The following REEP1 variants were observed in gnomAD, a reference collection of about 807,000 sequenced individuals.
REEP1 encodes the protein receptor accessory protein 1.
In REEP1, 22 loss-of-function variants were observed where a neutral mutation model predicts 40.3. The ratio of observed to expected loss-of-function variants is 0.55; its 90% CI spans 0.39 to 0.78. REEP1 has a LOEUF of 0.78. Ranked by LOEUF, REEP1 falls within the 30% of genes least tolerant of loss-of-function variation. The pLI, the probability that REEP1 is intolerant of heterozygous loss-of-function variation, is 0.00. For synonymous variants in REEP1, 116 were observed against 139.2 expected, an observed-to-expected ratio of 0.83 and a Z score of 1.17; for missense variants, 280 against 361.1, an observed-to-expected ratio of 0.78 and a Z score of 1.82.
chr2:86,338,069 T>C, upstream of REEP1: 1 of 1,537,212 alleles, frequency 6.5e-7, no homozygotes, highest in Non-Finnish European at 8.7e-7. Flanking sequence ...GCTCAGCACT[T>C]TCTGCATAAG....
chr2:86,257,661 G>T, intron 3 of REEP1, among the ~76,000 whole-genome samples: 1 of 142,966 alleles, frequency 7.0e-6, no homozygotes, highest in Admixed American at 7.1e-5. Flanking sequence ...TTTTGAGACA[G>T]AGTTTCACTC....
At chr2:86,232,032 G>A (rs1409261843) in intron 6 of REEP1, among the ~76,000 whole-genome samples, 2 of 152,200 alleles carry the variant, frequency 1.3e-5, no homozygotes, top group African/African-American at 4.8e-5. Context: ...AGGCAGAGGT[G>A]TGGTTACTGT....
intron 1 of REEP1, among the ~76,000 whole-genome samples, chr2:86,302,524 T>C (rs1205941006): frequency 6.6e-6 from 1 of 152,194 alleles, no homozygotes; most frequent in African/African-American, 2.4e-5. Context: ...TCTGGGAATC[T>C]ATCCAAAAGA....
At position 86,282,162 on chromosome 2, in the gene REEP1, C is replaced by T. The variant is rs762942674; in HGVS notation, c.105+8G>A. The stretch of plus-strand genomic sequence containing the variant: ...CCAACCCGCTCGAAAATACACAGTG[C>T]TACTTACATATTCCTTAATGTCCTT... On this transcript the variant is annotated splice_region_variant and intron_variant, in intron 2 of 8. Coordinates refer to ENST00000538924, the MANE Select transcript of REEP1 (RefSeq NM_001371279.1). The T allele has an allele frequency of 3.1e-6, 5 of 1,594,546 alleles. No individual in the cohort carries two copies. The highest frequency in any genetic ancestry group is 4.3e-6 in the Non-Finnish European group (5 of 1,162,340).
At chr2:86,261,110 G>A (rs1676829739) in intron 3 of REEP1, among the ~76,000 whole-genome samples, 2 of 152,178 alleles carry the variant, frequency 1.3e-5, no homozygotes, top group Non-Finnish European at 2.9e-5. Flanking sequence ...CAGTGAGGCT[G>A]AAATGCTGAT....
intron 5 of REEP1, among the ~76,000 whole-genome samples, chr2:86,250,137 G>T (rs1430700302): frequency 6.6e-6 from 1 of 152,202 alleles, no homozygotes; most frequent in Non-Finnish European, 1.5e-5. Context: ...ATGATAGGAA[G>T]ACTCTGGAGG....
intron 5 of REEP1, among the ~76,000 whole-genome samples, chr2:86,236,221 A>G (rs1338607236): frequency 6.6e-6 from 1 of 151,752 alleles, no homozygotes; most frequent in Non-Finnish European, 1.5e-5. Context: ...TCATCTCAAA[A>G]AAAAAAAAAA....
intron 3 of REEP1, 49 bp from the exon 4 acceptor site, chr2:86,254,863 T>C (rs1436931579): frequency 6.2e-7 from 1 of 1,606,058 alleles, no homozygotes; most frequent in Admixed American, 1.7e-5. Context: ...TCAGCAACAC[T>C]GCCCTTTTGA....
At chr2:86,326,542 G>A (rs1295699764) in intron 1 of REEP1, among the ~76,000 whole-genome samples, 16 of 151,866 alleles carry the variant, frequency 1.1e-4, no homozygotes, top group African/African-American at 2.9e-4. Context: ...GTGAAACCCC[G>A]TCTCTACTAA....
chr2:86,329,418 G>T (rs996985503), intron 1 of REEP1, among the ~76,000 whole-genome samples: 16 of 152,172 alleles, frequency 1.1e-4, no homozygotes, highest in African/African-American at 3.6e-4. Flanking sequence ...AAAGGTTCTT[G>T]GCTGGGCACT....
In REEP1 at chr2:86,225,256, T is replaced by C. The variant is rs536106632; in HGVS notation, c.631+2107A>G. On this transcript the variant is annotated intron_variant, in intron 7 of 8. Coordinates refer to ENST00000538924, the MANE Select transcript of REEP1 (RefSeq NM_001371279.1). Reference sequence around the variant, plus strand: ...CCTCTGTCAGTTCAGTTTGGCCTTATGGCCTCCAGAATCCCCAGCTTTTTT... The same window carrying C: ...CCTCTGTCAGTTCAGTTTGGCCTTACGGCCTCCAGAATCCCCAGCTTTTTT... Among the ~76,000 whole-genome samples, 3 of 152,354 alleles carry C rather than the reference T, an allele frequency of 2.0e-5. No individual in the cohort carries two copies. In the East Asian group the frequency reaches 5.8e-4, roughly 29 times the overall value.
At chr2:86,298,247 A>T (rs1487153698) in intron 1 of REEP1, among the ~76,000 whole-genome samples, 1 of 152,090 alleles carries the variant, frequency 6.6e-6, no homozygotes, top group Non-Finnish European at 1.5e-5. Flanking sequence ...CCTGGCCAGG[A>T]CCCAGGATGA....
Position 86,214,987 on chromosome 2 carries a change from G to C in REEP1, c.*2052C>G, listed in dbSNP as rs1225857084. The C allele has an allele frequency of 1.6e-5, 2 of 125,894 alleles. No homozygotes were observed. Among genetic ancestry groups the C allele is most frequent in the African/African-American group, 5.3e-5 (2 of 37,544 alleles). 7.8% of individuals were successfully genotyped at this position (125,894 alleles called of 1,614,324 possible). A position where few individuals can be genotyped will look rare whatever the true frequency, so the allele number is the denominator to read the frequency against. ...GCTGCTAAAGGCAATTTATTGTTTCGGCAAAAAAAAAAAAATTGCTAAGAA... is the reference window on the plus strand; with the variant it reads ...GCTGCTAAAGGCAATTTATTGTTTCCGCAAAAAAAAAAAAATTGCTAAGAA... On this transcript the variant is annotated 3_prime_UTR_variant, in exon 9 of 9. Coordinates refer to ENST00000538924, the MANE Select transcript of REEP1 (RefSeq NM_001371279.1).
chr2:86,231,995 G>A (rs992391474), intron 6 of REEP1, among the ~76,000 whole-genome samples: 1 of 152,170 alleles, frequency 6.6e-6, no homozygotes, highest in African/African-American at 2.4e-5. Context: ...CCCACGATGG[G>A]CGTGTGACAC....
chr2:86,223,017 C>T (rs10195199), intron 7 of REEP1, among the ~76,000 whole-genome samples: 55,104 of 152,162 alleles, frequency 0.36, 12,462 homozygotes, highest in Non-Finnish European at 0.51. Flanking sequence ...CTCCCAGAGA[C>T]AATGTGTGTG....
chr2:86,306,846 T>C (rs1573021745), intron 1 of REEP1, among the ~76,000 whole-genome samples: 1 of 151,482 alleles, frequency 6.6e-6, no homozygotes, highest in Non-Finnish European at 1.5e-5. Flanking sequence ...CATGATGGCA[T>C]GTACCAAAAG....
chr2:86,336,135 G>T (rs1681020016), intron 1 of REEP1, among the ~76,000 whole-genome samples: 1 of 152,202 alleles, frequency 6.6e-6, no homozygotes, highest in Non-Finnish European at 1.5e-5. Context: ...TGGGCAAGGC[G>T]TGTCAGCCAC....
chr2:86,249,743 T>A (rs1255686282), intron 5 of REEP1, among the ~76,000 whole-genome samples: 1 of 152,234 alleles, frequency 6.6e-6, no homozygotes, highest in East Asian at 1.9e-4. Flanking sequence ...TGGAAACCAC[T>A]GATGTACACC....
chr2:86,317,271 A>C (rs1370030317), intron 1 of REEP1, among the ~76,000 whole-genome samples: 2 of 152,226 alleles, frequency 1.3e-5, no homozygotes, highest in Non-Finnish European at 2.9e-5. Context: ...CAGGAAAAAA[A>C]AACACCAATA....
Sources: allele counts gnomAD v4.1 joint callset (sites outside exome capture counted in the v4.1 genomes callset), GRCh38; gene constraint gnomAD v4.1.1; transcripts MANE v1.5; gene names NCBI Gene and HGNC (gene_info 2026-07-23, HGNC 2026-07-21).